CES5A: variants seen among roughly 807,000 people sequenced by gnomAD.
CES5A encodes carboxylesterase 5A, also known as carboxylesterase 5.
Under a neutral mutation model 62.9 loss-of-function variants are expected in CES5A, and 67 were observed. The ratio of observed to expected loss-of-function variants is 1.07; its 90% CI spans 0.88 to 1.31. The LOEUF is 1.31. CES5A is among the 50% of genes most tolerant of loss of function. The pLI, the probability that CES5A is intolerant of heterozygous loss-of-function variation, is 0.00. For synonymous variants in CES5A, 296 were observed against 280.8 expected (o/e 1.05, Z -0.54); for missense variants, 748 against 708.5 (o/e 1.06, Z -0.63).
At position 55,859,668 on chromosome 16, in the gene CES5A, C is replaced by G. The variant is rs563591908; in HGVS notation, c.935G>C (p.Arg312Pro). 3 of 1,608,388 alleles carry G rather than the reference C, an allele frequency of 1.9e-6. No individual in the cohort carries two copies. The South Asian group carries it at 3.4e-5, about 18-fold the overall frequency. ...TLSQKTKSFTRVVDGAFFPNE... is the reference protein window; with the variant it reads ...TLSQKTKSFTPVVDGAFFPNE... ...AGGAAAGAAAGCACCATCAACCACT[C>G]GAGTGAAAGACTTTGTTTTCTGTAA... The change falls in exon 8 of 13, where the codon CGA becomes CCA. Residue 312 changes from arginine (R) to proline (P), a missense_variant. Physicochemically the swap from Arg to Pro is moderately radical, Grantham distance 103 (BLOSUM62 -2). Coordinates refer to ENST00000290567, the MANE Select transcript of CES5A (RefSeq NM_001143685.2).
chr16:55,889,925 A>G (rs1414525725), intron 1 of CES5A, among the ~76,000 whole-genome samples: 1 of 152,210 alleles, frequency 6.6e-6, no homozygotes, highest in African/African-American at 2.4e-5. Context: ...GATCACTTAT[A>G]TATTTCACAA....
chr16:55,913,313 C>T (rs1203222529), intron 1 of CES5A, among the ~76,000 whole-genome samples: 1 of 152,078 alleles, frequency 6.6e-6, no homozygotes, highest in Non-Finnish European at 1.5e-5. Context: ...GTGGTGTCAG[C>T]TGATCCATGG....
At chr16:55,948,562 T>C (rs1002646356) in intron 2 of CES5A, among the ~76,000 whole-genome samples, 1 of 152,150 alleles carries the variant, frequency 6.6e-6, no homozygotes, top group Admixed American at 6.5e-5. Context: ...CTGGGGAAAT[T>C]TGTGGCCTTC....
chr16:55,949,729 T>G, intron 2 of CES5A: 1 of 650,090 alleles, frequency 1.5e-6, no homozygotes, highest in Non-Finnish European at 2.4e-6. Context: ...GAGTCAGCTG[T>G]TGGCCAGACT....
At chr16:55,851,212 C>A (rs2033125958) in intron 10 of CES5A, among the ~76,000 whole-genome samples, 1 of 152,032 alleles carries the variant, frequency 6.6e-6, no homozygotes, top group African/African-American at 2.4e-5. Context: ...ACCCGGCAAC[C>A]CACAGAATGG....
intron 1 of CES5A, among the ~76,000 whole-genome samples, chr16:55,894,498 C>CAAAAAAAAAAAAAAAAA (rs370359945): frequency 9.7e-6 from 1 of 102,976 alleles, no homozygotes; most frequent in Non-Finnish European, 1.8e-5. Flanking sequence ...AACTCTGTCT[C>CAAAAAAAAAAAAAAAAA]AAAAAAAAAA....
chr16:55,852,347 T>C (rs764871384), intron 10 of CES5A, among the ~76,000 whole-genome samples: 19 of 152,248 alleles, frequency 1.2e-4, no homozygotes, highest in Non-Finnish European at 1.9e-4. Context: ...ATACTCTGCA[T>C]GATTTCCATC....
intron 1 of CES5A, among the ~76,000 whole-genome samples, chr16:55,914,613 G>C (rs978593939): frequency 6.6e-6 from 1 of 152,202 alleles, no homozygotes; most frequent in Non-Finnish European, 1.5e-5. Context: ...AAGACTCACT[G>C]CATCAGAATG....
chr16:55,947,274 C>T (rs1567366109), intron 2 of CES5A, among the ~76,000 whole-genome samples: 1 of 152,150 alleles, frequency 6.6e-6, no homozygotes, highest in Non-Finnish European at 1.5e-5. Context: ...CATCTTGTCC[C>T]ACCCCCTCAG....
rs776184681 is a variant in CES5A at position 55,852,966 on chromosome 16, C to G, written c.1188G>C (p.Leu396=). Residue 396 remains leucine (L), a synonymous_variant, in exon 10 of 13, where the codon CTG becomes CTC. Coordinates refer to ENST00000290567, the MANE Select transcript of CES5A (RefSeq NM_001143685.2). The part of the protein sequence containing the change: ...ANEYFHDKHS[L]TEIRDSLLDL... ...CCAGAAGACTGTCTCGGATTTCAGT[C>G]AGGGAGTGCTTGTCATGGAAGTATT... 1.2e-6 allele frequency: 2 copies of G among 1,614,164 alleles called. No individual in the cohort carries two copies. Among genetic ancestry groups the G allele is most frequent in the Non-Finnish European group, 1.7e-6 (2 of 1,180,028 alleles).
At chr16:55,922,228 A>G (rs1007888533) in intron 1 of CES5A, among the ~76,000 whole-genome samples, 8 of 151,908 alleles carry the variant, frequency 5.3e-5, no homozygotes, top group Non-Finnish European at 1.0e-4. Flanking sequence ...AGTGAACTCA[A>G]TTCCCCAATT....
intron 9 of CES5A, among the ~76,000 whole-genome samples, chr16:55,853,619 T>A (rs1427755045): frequency 6.6e-6 from 1 of 152,144 alleles, no homozygotes; most frequent in Admixed American, 6.5e-5. Flanking sequence ...GAGGATTATA[T>A]GAGATGTGAA....
At chr16:55,894,505 A>C (rs2033912205) in intron 1 of CES5A, among the ~76,000 whole-genome samples, 1 of 150,904 alleles carries the variant, frequency 6.6e-6, no homozygotes, top group African/African-American at 2.4e-5. Context: ...TCTCAAAAAA[A>C]AAAAAAAAAA....
intron 2 of CES5A, 123 bp from the exon 3 acceptor site, chr16:55,871,886 A>G (rs2033597343): frequency 1.0e-6 from 1 of 988,782 alleles, no homozygotes; most frequent in Non-Finnish European, 1.5e-6. Context: ...AGAGGCAGCT[A>G]CCGGTACAAA....
At chr16:55,854,540 T>C (rs112714458) in intron 9 of CES5A, among the ~76,000 whole-genome samples, 299 of 11,602 alleles carry the variant, frequency 0.026, 5 homozygotes, top group South Asian at 0.036. Context: ...TCTTTTTTTT[T>C]TTTCTTTTTT....
chr16:55,877,072 A>G (rs7189204), upstream of CES5A, among the ~76,000 whole-genome samples: 35,028 of 151,988 alleles, frequency 0.23, 4,781 homozygotes, highest in Non-Finnish European at 0.31. Context: ...CCTCCCAGGA[A>G]CCCCGGCAGT....
At chr16:55,934,871 T>C (rs143532251) in intron 2 of CES5A, among the ~76,000 whole-genome samples, 2 of 152,308 alleles carry the variant, frequency 1.3e-5, no homozygotes, top group African/African-American at 4.8e-5. Flanking sequence ...CTGGTGTAAG[T>C]TTTAGTTTGA....
chr16:55,899,189 G>A lies in CES5A; in HGVS notation c.-255-25152C>T, dbSNP rs528012089. ...TGCTAACATCTCAAAGGTCCTGAATGTCCGAGCCTGCAGAGGAATGGGGAG... is the reference window on the plus strand; with the variant it reads ...TGCTAACATCTCAAAGGTCCTGAATATCCGAGCCTGCAGAGGAATGGGGAG... On this transcript the variant is annotated intron_variant, in intron 1 of 12. Transcript: ENST00000518005. 2.6e-5 allele frequency among the ~76,000 whole-genome samples: 4 copies of A among 152,244 alleles called. No individual in the cohort carries two copies. In the South Asian group the frequency reaches 8.3e-4, roughly 32 times the overall value.
chr16:55,908,047 G>T (rs1280967170), intron 1 of CES5A, among the ~76,000 whole-genome samples: 1 of 152,090 alleles, frequency 6.6e-6, no homozygotes, highest in Non-Finnish European at 1.5e-5. Flanking sequence ...ATCAGAGTAT[G>T]CTCTGACTTA....
Sources: allele counts gnomAD v4.1 joint callset (sites outside exome capture counted in the v4.1 genomes callset), GRCh38; gene constraint gnomAD v4.1.1; transcripts MANE v1.5; gene names NCBI Gene and HGNC (gene_info 2026-07-23, HGNC 2026-07-21).